The following BEGAIN variants were observed in gnomAD, a reference collection of about 807,000 sequenced individuals.
BEGAIN encodes brain-enriched guanylate kinase-associated protein.
Under a neutral mutation model 35.8 loss-of-function variants are expected in BEGAIN, and 19 were observed. That is an observed-to-expected ratio of 0.53 (90% CI 0.37 to 0.78). The LOEUF is 0.78. Ranked by LOEUF, BEGAIN falls within the 30% of genes least tolerant of loss-of-function variation. BEGAIN has a pLI of 0.00. For missense variants in BEGAIN, 795 were observed against 853.6 expected (o/e 0.93, Z 0.85); for synonymous variants, 462 against 388.6 (o/e 1.19, Z -2.22).
chr14:100,561,843 G>T (rs1231171239), intron 2 of BEGAIN, among the ~76,000 whole-genome samples: 1 of 152,106 alleles, frequency 6.6e-6, no homozygotes, highest in Non-Finnish European at 1.5e-5. Context: ...CAGAGGAGTG[G>T]GAACTCAACT....
chr14:100,550,069 T>C (rs1487432544), intron 2 of BEGAIN, among the ~76,000 whole-genome samples: 1 of 152,136 alleles, frequency 6.6e-6, no homozygotes, highest in Non-Finnish European at 1.5e-5. Context: ...GTGTGTGTGG[T>C]GTGCGTGTGC....
chr14:100,544,365 C>T (rs1211788075), intron 4 of BEGAIN, among the ~76,000 whole-genome samples: 2 of 152,184 alleles, frequency 1.3e-5, no homozygotes, highest in Admixed American at 6.5e-5. Context: ...CAGGCCCAGC[C>T]CCCAGGCCTG....
rs1319843231 is a variant in BEGAIN, at chr14:100,558,917, G to A, written c.71+8994C>T. On this transcript the variant is annotated intron_variant, in intron 2 of 6. Transcript: ENST00000554140. The surrounding 1 kb of genome is among the most constrained non-coding windows in gnomAD (Gnocchi z 4.6). ...CATCGTGTGCAGGACACACAGCTGG[G>A]AGCATGCCGGTGGGGCCAGGGCGCG... 6.6e-6 allele frequency among the ~76,000 whole-genome samples: 1 copy of A among 152,218 alleles called. No homozygotes were observed. The highest frequency in any genetic ancestry group is 1.9e-4 in the East Asian group (1 of 5,190).
At position 100,538,831 on chromosome 14, in the gene BEGAIN, G is replaced by A. The variant is rs1407808355; in HGVS notation, c.977C>T (p.Ser326Leu). 1.2e-6 allele frequency: 2 copies of A among 1,605,464 alleles called. No individual in the cohort carries two copies. Among genetic ancestry groups the A allele is most frequent in the Non-Finnish European group, 1.7e-6 (2 of 1,177,644 alleles). ...GGCCTGCGCGTGCTCCTTCTCCTCCGACGTGGCGCTGAAGCTGGAGTAGGA... is the reference window on the plus strand; with the variant it reads ...GGCCTGCGCGTGCTCCTTCTCCTCCAACGTGGCGCTGAAGCTGGAGTAGGA... Reference protein sequence around the residue: ...SSSYSSFSATSEEKEHAQAST... With the variant: ...SSSYSSFSATLEEKEHAQAST... Residue 326 changes from serine to leucine, a missense_variant, in exon 7 of 7, where the codon TCG becomes TTG. This residue lies in a region of BEGAIN where 664 missense variants were observed against 647.7 expected (regional missense o/e 1.03). Coordinates refer to ENST00000554140, the MANE Select transcript of BEGAIN (RefSeq NM_001385089.1).
rs1215831153 is a variant in BEGAIN at position 100,567,138 on chromosome 14, C to T, written c.71+773G>A. Among the ~76,000 whole-genome samples, 1 of 152,210 alleles carries T rather than the reference C, an allele frequency of 6.6e-6. No homozygotes were observed. The highest frequency in any genetic ancestry group is 1.5e-5 in the Non-Finnish European group (1 of 68,026). The stretch of plus-strand genomic sequence containing the variant: ...CCAGCAGCCAGAGCTGGGCCTGCCG[C>T]CCACACAACGCCTCGGCTCAGGCTC... On this transcript the variant is annotated intron_variant, in intron 2 of 6. Coordinates refer to ENST00000554140, the MANE Select transcript of BEGAIN (RefSeq NM_001385089.1). The surrounding 1 kb of genome is among the most constrained non-coding windows in gnomAD (Gnocchi z 5.1).
rs769210592 is a variant in BEGAIN, at chr14:100,543,807, C to T, written c.408+51G>A. 58 of 1,459,938 alleles carry T rather than the reference C, an allele frequency of 4.0e-5. No homozygotes were observed. In the East Asian group the frequency reaches 5.9e-4, roughly 15 times the overall value. 90.4% of individuals were successfully genotyped at this position (1,459,938 alleles called of 1,614,324 possible). A position where few individuals can be genotyped will look rare whatever the true frequency, so the allele number is the denominator to read the frequency against. The stretch of plus-strand genomic sequence containing the variant: ...CTCCCAGTGCATCCTGGGAAGCCCT[C>T]GCCTAGGCCCACCGGCAGTCTTCCA... On this transcript the variant is annotated intron_variant, in intron 5 of 6. Transcript: ENST00000554140.
In BEGAIN at chr14:100,537,302, G is replaced by C. The variant is rs1247365001; in HGVS notation, c.*667C>G. 6.5e-6 allele frequency: 1 copy of C among 152,712 alleles called. No individual in the cohort carries two copies. Among genetic ancestry groups the C allele is most frequent in the African/African-American group, 2.4e-5 (1 of 41,466 alleles). 9.5% of individuals were successfully genotyped at this position (152,712 alleles called of 1,614,324 possible). On this transcript the variant is annotated 3_prime_UTR_variant, in exon 7 of 7. Transcript: ENST00000554140. ...TAAGACGGTGTCAGGGGGCGGACCC[G>C]GGGGCGGAGATGAGCACCGGCCGCA...
Position 100,540,957 on chromosome 14 carries a change from G to A in BEGAIN, c.409-378C>T, listed in dbSNP as rs981144565. ...CCCTGTCCCTGTCCCTCAGGCTCTC[G>A]GCGTCCTTCCAAAGATGACGGGGTG... On this transcript the variant is annotated intron_variant, in intron 5 of 6. Coordinates refer to ENST00000554140, the MANE Select transcript of BEGAIN (RefSeq NM_001385089.1). 6.6e-5 allele frequency among the ~76,000 whole-genome samples: 10 copies of A among 152,220 alleles called. No individual in the cohort carries two copies. In the South Asian group the frequency reaches 1.4e-3, roughly 22 times the overall value.
chr14:100,559,827 A>G (rs1430054933), intron 2 of BEGAIN, among the ~76,000 whole-genome samples: 2 of 152,044 alleles, frequency 1.3e-5, no homozygotes, highest in Non-Finnish European at 2.9e-5. Flanking sequence ...AGACACTCAC[A>G]CTCAAGAGGC....
chr14:100,568,724 G>A lies in BEGAIN; in HGVS notation c.43-785C>T, dbSNP rs568742431. ...GTTAACCTTGTGGGCGCGGGCGAGC[G>A]ACGGGGACCGCGAGCGGCCCGGGCG... On this transcript the variant is annotated intron_variant, in intron 1 of 6. Transcript: ENST00000554140. This position sits in a 1 kb window ranked among gnomAD's most constrained non-coding sequence, Gnocchi z 7.5. Among the ~76,000 whole-genome samples, 11 of 151,930 alleles carry A rather than the reference G, an allele frequency of 7.2e-5. No individual in the cohort carries two copies. The highest frequency in any genetic ancestry group is 2.6e-4 in the African/African-American group (11 of 41,518).
At chr14:100,572,555 TC>T (rs1341483015) in intron 1 of BEGAIN, among the ~76,000 whole-genome samples, 7 of 152,120 alleles carry the variant, frequency 4.6e-5, no homozygotes, top group Non-Finnish European at 7.4e-5. Context: ...TTCCTCAGTT[TC>T]CCTGAATCTT....
rs1344107454 is a variant in BEGAIN, at chr14:100,537,624, G to GCCGT, written c.*341_*344dup. The GCCGT allele has an allele frequency of 2.4e-5, 6 of 250,732 alleles. No homozygotes were observed. In the East Asian group the frequency reaches 4.7e-4, roughly 20 times the overall value. The allele number at this position is 250,732 out of a possible 1,614,324, so 15.5% of individuals were successfully genotyped here. ...GCTTTGTGTTGAAAACGCCAAGGCA[G>GCCGT]CCGTCCAGGGAGCTGGAGGCCAAGT... On this transcript the variant is annotated 3_prime_UTR_variant, in exon 7 of 7. Transcript: ENST00000554140.
rs759102732 is a variant in BEGAIN at position 100,537,952 on chromosome 14, G to A, written c.*17C>T. The stretch of plus-strand genomic sequence containing the variant: ...GCTGGCGGGGAGCGAACCACGGCCA[G>A]GCCTGCACGCAGGCGCTCAGTTGAG... On this transcript the variant is annotated 3_prime_UTR_variant, in exon 7 of 7. Transcript: ENST00000554140. The A allele has an allele frequency of 1.0e-5, 16 of 1,595,380 alleles. No individual in the cohort carries two copies. In the Admixed American group the frequency reaches 2.7e-4, roughly 27 times the overall value.
At chr14:100,583,850 C>T (rs986862621) in intron 1 of BEGAIN, among the ~76,000 whole-genome samples, 6 of 151,990 alleles carry the variant, frequency 3.9e-5, no homozygotes, top group Non-Finnish European at 7.4e-5. Context: ...GTGCACACCA[C>T]CACACCCACC....
At chr14:100,578,655 T>C (rs2035253640) in intron 1 of BEGAIN, among the ~76,000 whole-genome samples, 1 of 152,180 alleles carries the variant, frequency 6.6e-6, no homozygotes, top group Non-Finnish European at 1.5e-5. Flanking sequence ...CCTGTGTCTT[T>C]TTCCCATTCA....
intron 3 of BEGAIN, chr14:100,545,939 G>A (rs1478811328): frequency 6.6e-6 from 1 of 152,348 alleles, no homozygotes; most frequent in East Asian, 1.9e-4. Context: ...TGTTTAAGAA[G>A]ATGAGAAAGT....
intron 2 of BEGAIN, among the ~76,000 whole-genome samples, chr14:100,555,524 C>T (rs1251319511): frequency 2.0e-5 from 3 of 152,216 alleles, no homozygotes; most frequent in Non-Finnish European, 4.4e-5. Flanking sequence ...AGTCCTCAGA[C>T]CCCCGAAAGG....
At chr14:100,584,113 CT>C (rs963717810) in intron 1 of BEGAIN, among the ~76,000 whole-genome samples, 1 of 152,222 alleles carries the variant, frequency 6.6e-6, no homozygotes, top group African/African-American at 2.4e-5. Context: ...GCTTCTCCAC[CT>C]CATGCACCTC....
Position 100,567,938 on chromosome 14 carries a change from G to A in BEGAIN, c.44C>T (p.Ala15Val), listed in dbSNP as rs1231022593. 3 of 1,461,122 alleles carry A rather than the reference G, an allele frequency of 2.1e-6. No homozygotes were observed. Among genetic ancestry groups the A allele is most frequent in the African/African-American group, 3.0e-5 (2 of 67,042 alleles). 90.5% of individuals were successfully genotyped at this position (1,461,122 alleles called of 1,614,324 possible). A position where few individuals can be genotyped will look rare whatever the true frequency, so the allele number is the denominator to read the frequency against. The part of the protein sequence containing the change: ...GRRPGRLRRA[A>V]SAADMEKLSA... Reference sequence around the variant, plus strand: ...GAGTTTCTCCATGTCTGCGGCAGAGGCCTGCGAGAAACCAAACGAGAGGGT... The same window carrying A: ...GAGTTTCTCCATGTCTGCGGCAGAGACCTGCGAGAAACCAAACGAGAGGGT... Residue 15 changes from alanine (A) to valine (V), a missense_variant and splice_region_variant, in exon 2 of 7, where the codon GCC becomes GTC. This residue lies in a region of BEGAIN where 58 missense variants were observed against 62.7 expected (regional missense o/e 0.92). Coordinates refer to ENST00000554140, the MANE Select transcript of BEGAIN (RefSeq NM_001385089.1). The surrounding 1 kb of genome is among the most constrained non-coding windows in gnomAD (Gnocchi z 5.1).
Sources: allele counts gnomAD v4.1 joint callset (sites outside exome capture counted in the v4.1 genomes callset), GRCh38; gene constraint gnomAD v4.1.1; regional missense constraint gnomAD v4.1.1; non-coding constraint Gnocchi (gnomAD v3.1); transcripts MANE v1.5; gene names NCBI Gene and HGNC (gene_info 2026-07-23, HGNC 2026-07-21).